Variants in ATXN2L observed in about 807,000 individuals in gnomAD.
The protein encoded by ATXN2L is ataxin-2-like protein.
In ATXN2L, 24 loss-of-function variants were observed where a neutral mutation model predicts 120.7. The observed-to-expected ratio is 0.20, with a 90% CI of 0.14 to 0.28. The LOEUF is 0.28. Among genes scored for constraint, ATXN2L ranks in the 10% least tolerant of loss-of-function variants. ATXN2L has a pLI of 1.00. For synonymous variants in ATXN2L, 653 were observed against 568.1 expected (o/e 1.15, Z -2.13); for missense variants, 1,312 against 1,432.3 (o/e 0.92, Z 1.36).
rs1418027931 is a variant in ATXN2L at position 28,832,052 on chromosome 16, C to T, written c.1322-153C>T. 3.8e-5 allele frequency: 28 copies of T among 745,538 alleles called. No individual in the cohort carries two copies. The Admixed American group carries it at 7.7e-4, about 21-fold the overall frequency. 46.2% of individuals were successfully genotyped at this position (745,538 alleles called of 1,614,324 possible). A position where few individuals can be genotyped will look rare whatever the true frequency, so the allele number is the denominator to read the frequency against. ...TCGATGATGCCCATGAGGCCATTTA[C>T]CTGCTTGTGTTACCTGCCTTGAGCT... On this transcript the variant is annotated intron_variant, in intron 10 of 21. Coordinates refer to ENST00000336783, the MANE Select transcript of ATXN2L (RefSeq NM_007245.4).
At position 28,833,204 on chromosome 16, in the gene ATXN2L, C is replaced by G. The variant is rs143039266; in HGVS notation, c.1805C>G (p.Ser602Cys). ...TCTCCCGTCTCCTCCAAGACAGAGT[C>G]CGTATCGGATAAGGAGGACAAACCA... The part of the protein sequence containing the change: ...MGSPVSSKTE[S>C]VSDKEDKPPL... The change falls in exon 14 of 22, where the codon TCC becomes TGC. Residue 602 changes from serine to cysteine, a missense_variant. Coordinates refer to ENST00000336783, the MANE Select transcript of ATXN2L (RefSeq NM_007245.4). The G allele has an allele frequency of 2.0e-5, 32 of 1,614,224 alleles. 1 individual carries two copies. The African/African-American group carries it at 4.1e-4, about 21-fold the overall frequency.
intron 1 of ATXN2L, 102 bp from the exon 2 acceptor site, chr16:28,825,264 C>T: frequency 1.8e-6 from 2 of 1,089,396 alleles, no homozygotes; most frequent in Non-Finnish European, 2.8e-6. Context: ...TAGTCTAAAT[C>T]AGCATCATCA....
Position 28,835,188 on chromosome 16 carries a change from G to A in ATXN2L, c.2563+1G>A. The A allele has an allele frequency of 6.2e-7, 1 of 1,610,688 alleles. No individual in the cohort carries two copies. On this transcript the variant is annotated splice_donor_variant, in intron 19 of 21. Transcript: ENST00000336783. LOFTEE classifies it high-confidence loss of function. ...CAGCCTACCCCCCAAGCCCTTTATG[G>A]TGAGTCCTGCGCCTGGTCCCTCTGC... is the stretch of plus-strand genomic sequence containing the variant.
intron 15 of ATXN2L, chr16:28,833,844 T>G: frequency 1.5e-6 from 1 of 662,562 alleles, no homozygotes; most frequent in Non-Finnish European, 2.5e-6. Context: ...AGCCCCTGTA[T>G]TTGGAAGGTT....
At chr16:28,825,583 C>A (rs1273003364) in intron 2 of ATXN2L, 41 bp from the exon 3 acceptor site, 1 of 1,598,478 alleles carries the variant, frequency 6.3e-7, no homozygotes, top group South Asian at 1.1e-5. Context: ...GAGGTGTTGA[C>A]TGATTACTCC....
At position 28,835,580 on chromosome 16, in the gene ATXN2L, G is replaced by T; in HGVS notation, c.2717G>T (p.Ser906Ile). ...HQAGQAPHLG[S>I]GQPQQNLYHP... ...GCGGGGCAGGCCCCACACTTGGGCA[G>T]TGGACAGCCACAGCAGAATCTGTAC... Residue 906 changes from serine to isoleucine, a missense_variant, in exon 21 of 22, where the codon AGT becomes ATT. Transcript: ENST00000336783. 1 of 1,613,900 alleles carries T rather than the reference G, an allele frequency of 6.2e-7. No homozygotes were observed. Among genetic ancestry groups the T allele is most frequent in the Non-Finnish European group, 8.5e-7 (1 of 1,179,952 alleles).
chr16:28,836,206 C>G lies in ATXN2L; in HGVS notation c.3169C>G (p.His1057Asp). 6.2e-7 allele frequency: 1 copy of G among 1,614,002 alleles called. No individual in the cohort carries two copies. Among genetic ancestry groups the G allele is most frequent in the Non-Finnish European group, 8.5e-7 (1 of 1,179,968 alleles). ...GTTCTCATTAGCTGGGGGAATTTGG[C>G]ATGGAAGAGCTGAGGGGCTGCAGGT... is the stretch of plus-strand genomic sequence containing the variant. ...REFSLAGGIW[H>D]GRAEGLQVGQ... Residue 1057 changes from histidine (H) to aspartate (D), a missense_variant, in exon 22 of 22, where the codon CAT becomes GAT. Coordinates refer to ENST00000336783, the MANE Select transcript of ATXN2L (RefSeq NM_007245.4).
rs757746895 is a variant in ATXN2L at position 28,825,845 on chromosome 16, A to G, written c.465+4A>G. 9.9e-6 allele frequency: 16 copies of G among 1,610,914 alleles called. 1 individual carries two copies. The Admixed American group carries it at 2.5e-4, about 25-fold the overall frequency. On this transcript the variant is annotated splice_donor_region_variant and intron_variant, in intron 4 of 21. Coordinates refer to ENST00000336783, the MANE Select transcript of ATXN2L (RefSeq NM_007245.4). ...CTTCAAGACGCTAAGCTCAAAGGTCAGTGTACTCAAATTTAATTATTTTTG... is the reference window on the plus strand; with the variant it reads ...CTTCAAGACGCTAAGCTCAAAGGTCGGTGTACTCAAATTTAATTATTTTTG...
Position 28,832,356 on chromosome 16 carries a change from C to T in ATXN2L, c.1473C>T (p.Ser491=). 6.2e-7 allele frequency: 1 copy of T among 1,614,204 alleles called. No individual in the cohort carries two copies. Among genetic ancestry groups the T allele is most frequent in the East Asian group, 2.2e-5 (1 of 44,888 alleles). ...CAGTCTCAGATCCTGGAGTGGGCTC[C>T]ATTTCTCCAGCTTCTCCAAAGATCT... is the stretch of plus-strand genomic sequence containing the variant. The part of the protein sequence containing the change: ...TSSVSDPGVG[S]ISPASPKISL... The change falls in exon 11 of 22, where the codon TCC becomes TCT. Residue 491 remains serine, a synonymous_variant. Transcript: ENST00000336783.
Position 28,825,852 on chromosome 16 carries a change from T to C in ATXN2L, c.465+11T>C, listed in dbSNP as rs779171006. On this transcript the variant is annotated intron_variant, in intron 4 of 21. Transcript: ENST00000336783. ...ACGCTAAGCTCAAAGGTCAGTGTAC[T>C]CAAATTTAATTATTTTTGGAGTTGC... 4.4e-6 allele frequency: 7 copies of C among 1,608,420 alleles called. No homozygotes were observed. The highest frequency in any genetic ancestry group is 8.5e-7 in the Non-Finnish European group (1 of 1,174,854).
intron 4 of ATXN2L, 79 bp from the exon 5 acceptor site, chr16:28,826,161 T>G (rs1429055553): frequency 1.3e-6 from 2 of 1,548,006 alleles, no homozygotes; most frequent in African/African-American, 1.4e-5. Context: ...CCAGTTCTAT[T>G]TAAGAGAAAT....
intron 3 of ATXN2L, 45 bp downstream of exon 3, chr16:28,825,725 A>G (rs751742970): frequency 3.1e-6 from 5 of 1,613,082 alleles, no homozygotes; most frequent in South Asian, 1.1e-5. Context: ...AACGTAATGC[A>G]TCTACTTTCT....
Position 28,826,775 on chromosome 16 carries a change from C to T in ATXN2L, c.617-87C>T, listed in dbSNP as rs2151959088. On this transcript the variant is annotated intron_variant, in intron 5 of 21. Transcript: ENST00000336783. ...GGACTTCTTAAACTTTGTTCCTGAA[C>T]TACTTACGGAGAGTGGGGTTGGGGG... The T allele has an allele frequency of 2.8e-6, 4 of 1,418,604 alleles. No homozygotes were observed. In the East Asian group the frequency reaches 9.7e-5, roughly 34 times the overall value. 87.9% of individuals were successfully genotyped at this position (1,418,604 alleles called of 1,614,324 possible).
Position 28,823,200 on chromosome 16 carries a change from C to T in ATXN2L, c.-60C>T. On this transcript the variant is annotated 5_prime_UTR_variant, in exon 1 of 22. Coordinates refer to ENST00000336783, the MANE Select transcript of ATXN2L (RefSeq NM_007245.4). ...GCTTCCCGCGCTCTCCAGCGGGGCC[C>T]CAGCCCCGGCCCCCTCTCTCCCTCC... 3 of 1,193,498 alleles carry T rather than the reference C, an allele frequency of 2.5e-6. No homozygotes were observed. The South Asian group carries it at 7.3e-5, about 29-fold the overall frequency. 73.9% of individuals were successfully genotyped at this position (1,193,498 alleles called of 1,614,324 possible). A position where few individuals can be genotyped will look rare whatever the true frequency, so the allele number is the denominator to read the frequency against.
At position 28,832,504 on chromosome 16, in the gene ATXN2L, C is replaced by G. The variant is rs2054869170; in HGVS notation, c.1525C>G (p.Leu509Val). 1 of 1,614,162 alleles carries G rather than the reference C, an allele frequency of 6.2e-7. No individual in the cohort carries two copies. Among genetic ancestry groups the G allele is most frequent in the Non-Finnish European group, 8.5e-7 (1 of 1,180,012 alleles). The change falls in exon 12 of 22, where the codon CTC (leucine) becomes GTC (valine). Residue 509 changes from leucine (L) to valine (V), a missense_variant. Coordinates refer to ENST00000336783, the MANE Select transcript of ATXN2L (RefSeq NM_007245.4). ...ISLAPTDVKE[L>V]STKEPGRTLE... ...TCTCTTTACTTGAACAGTAAAAGAA[C>G]TCTCTACCAAGGAACCTGGGAGAAC...
intron 5 of ATXN2L, 51 bp from the exon 6 acceptor site, chr16:28,826,811 G>T: frequency 6.7e-7 from 1 of 1,489,372 alleles, no homozygotes; most frequent in Non-Finnish European, 9.0e-7. Context: ...ATATTGGAAA[G>T]AAGTCTGTGA....
rs2052274919 is a variant in ATXN2L, at chr16:28,826,854, C to T, written c.617-8C>T. 2.6e-6 allele frequency: 4 copies of T among 1,565,046 alleles called. No homozygotes were observed. The highest frequency in any genetic ancestry group is 3.5e-6 in the Non-Finnish European group (4 of 1,150,500). ...CCTGACTCCTGATCTTCACCTCTGC[C>T]CCCACAGACAAGTTCACCGATTCAG... On this transcript the variant is annotated splice_polypyrimidine_tract_variant and splice_region_variant and intron_variant, in intron 5 of 21. Transcript: ENST00000336783.
chr16:28,826,681 A>AC (rs2052165811), intron 5 of ATXN2L, 181 bp from the exon 6 acceptor site: 2 of 715,512 alleles, frequency 2.8e-6, no homozygotes. Context: ...GTACTGATAG[A>AC]CTTTTTATAC....
At position 28,835,643 on chromosome 16, in the gene ATXN2L, C is replaced by T. The variant is rs1199914286; in HGVS notation, c.2780C>T (p.Pro927Leu). The stretch of plus-strand genomic sequence containing the variant: ...CTGACAGGCACGCCGCCCTCTCTGC[C>T]ACCGGGACCTTCTGCCCAGTCCCCT... ...GALTGTPPSL[P>L]PGPSAQSPQS... The change falls in exon 21 of 22, where the codon CCA becomes CTA. Residue 927 changes from proline to leucine, a missense_variant. Transcript: ENST00000336783. 6.2e-7 allele frequency: 1 copy of T among 1,614,066 alleles called. No individual in the cohort carries two copies. Among genetic ancestry groups the T allele is most frequent in the Admixed American group, 1.7e-5 (1 of 60,022 alleles).
Sources: gnomAD v4.1 joint callset for allele counts on GRCh38, gnomAD v4.1.1 for gene constraint, MANE v1.5 for transcripts, NCBI Gene and HGNC (gene_info 2026-07-23, HGNC 2026-07-21) for gene names.